The following CCSER1 variants were observed in gnomAD, a reference collection of about 807,000 sequenced individuals.
CCSER1 encodes the protein coiled-coil serine rich protein 1, also known as serine-rich coiled-coil domain-containing protein 1.
CCSER1 carries 41 observed loss-of-function variants against 82.0 expected under a neutral mutation model. The observed-to-expected ratio is 0.50, with a 90% confidence interval of 0.39 to 0.65. CCSER1 has a LOEUF of 0.65. Ranked by LOEUF, CCSER1 falls within the 30% of genes least tolerant of loss-of-function variation. The pLI, the probability that CCSER1 is intolerant of heterozygous loss-of-function variation, is 0.00. For synonymous variants in CCSER1, 414 were observed against 383.9 expected, an observed-to-expected ratio of 1.08 and a Z score of -0.92; for missense variants, 1,119 against 1,064.2, an observed-to-expected ratio of 1.05 and a Z score of -0.72.
At chr4:90,781,254 G>A in intron 7 of CCSER1, 1 of 984,594 alleles carries the variant, frequency 1.0e-6, no homozygotes. Flanking sequence ...GGAATAGAAA[G>A]AGTATGCACC....
chr4:91,140,734 A>G (rs1215028178), intron 10 of CCSER1, among the ~76,000 whole-genome samples: 2 of 152,260 alleles, frequency 1.3e-5, no homozygotes, highest in East Asian at 1.9e-4. Flanking sequence ...CCATTCCCAC[A>G]TGGTATTTGA....
At chr4:91,475,304 A>G (rs764198583) in intron 10 of CCSER1, among the ~76,000 whole-genome samples, 9 of 151,916 alleles carry the variant, frequency 5.9e-5, no homozygotes, top group Non-Finnish European at 1.2e-4. Flanking sequence ...AAATAGATAT[A>G]GGGATAGTAA....
At position 90,907,996 on chromosome 4, in the gene CCSER1, A is replaced by G. The variant is rs560633528; in HGVS notation, c.2095-15374A>G. Among the ~76,000 whole-genome samples the G allele has an allele frequency of 5.9e-5, 9 of 152,224 alleles. No individual in the cohort carries two copies. The South Asian group carries it at 1.9e-3, about 32-fold the overall frequency. On this transcript the variant is annotated intron_variant, in intron 8 of 10. Coordinates refer to ENST00000509176, the MANE Select transcript of CCSER1 (RefSeq NM_001145065.2). ...TATTCTCTCATCCACCCAATTCTTCATTTTTTAAAAACAATAGAGTATCTA... is the reference window on the plus strand; with the variant it reads ...TATTCTCTCATCCACCCAATTCTTCGTTTTTTAAAAACAATAGAGTATCTA...
At chr4:90,165,049 T>A (rs1338254109) in intron 1 of CCSER1, among the ~76,000 whole-genome samples, 1 of 152,128 alleles carries the variant, frequency 6.6e-6, no homozygotes, top group Non-Finnish European at 1.5e-5. Context: ...TCTATCTTTT[T>A]CTGGATTCTA....
chr4:91,263,796 A>G (rs759248280), intron 10 of CCSER1, among the ~76,000 whole-genome samples: 66 of 151,962 alleles, frequency 4.3e-4, no homozygotes, highest in Non-Finnish European at 8.7e-4. Flanking sequence ...TTTTAAATAA[A>G]TGGATGCTGG....
intron 10 of CCSER1, among the ~76,000 whole-genome samples, chr4:91,318,163 C>A (rs538546770): frequency 2.8e-4 from 43 of 151,754 alleles, no homozygotes; most frequent in Non-Finnish European, 6.2e-4. Context: ...AGGGGCACAA[C>A]CTTAGCTGCA....
At chr4:91,167,579 G>A (rs1002403627) in intron 10 of CCSER1, among the ~76,000 whole-genome samples, 2 of 152,150 alleles carry the variant, frequency 1.3e-5, no homozygotes, top group Non-Finnish European at 2.9e-5. Context: ...ATGTAAATCC[G>A]TAAATTGAAT....
intron 10 of CCSER1, among the ~76,000 whole-genome samples, chr4:91,236,058 G>A (rs1311327267): frequency 6.6e-6 from 1 of 152,132 alleles, no homozygotes; most frequent in African/African-American, 2.4e-5. Flanking sequence ...TAGAGGTGTT[G>A]AGAATTGATG....
chr4:90,967,991 A>G (rs1358966240), intron 9 of CCSER1, among the ~76,000 whole-genome samples: 1 of 152,030 alleles, frequency 6.6e-6, no homozygotes, highest in Non-Finnish European at 1.5e-5. Context: ...CTCTTAATCC[A>G]TGATTTCTCT....
At position 90,733,027 on chromosome 4, in the gene CCSER1, C is replaced by T. The variant is rs532667461; in HGVS notation, c.2010+9036C>T. Among the ~76,000 whole-genome samples, 8 of 152,206 alleles carry T rather than the reference C, an allele frequency of 5.3e-5. No homozygotes were observed. The South Asian group carries it at 1.0e-3, about 20-fold the overall frequency. On this transcript the variant is annotated intron_variant, in intron 7 of 10. Transcript: ENST00000509176. ...ATATCTCTTCAATACACTAATTTCC[C>T]TTCTTTTGGGAATATATCTAGCAGT...
At chr4:91,199,173 A>G (rs897036303) in intron 10 of CCSER1, among the ~76,000 whole-genome samples, 1 of 152,134 alleles carries the variant, frequency 6.6e-6, no homozygotes, top group East Asian at 1.9e-4. Flanking sequence ...CACATGTTCC[A>G]CACTTGCAGG....
intron 9 of CCSER1, among the ~76,000 whole-genome samples, chr4:91,016,312 A>T (rs1365468823): frequency 6.6e-6 from 1 of 152,000 alleles, no homozygotes; most frequent in Non-Finnish European, 1.5e-5. Context: ...CCTGAAATTC[A>T]TTCTGAATGT....
At chr4:90,985,103 G>A (rs894255227) in intron 9 of CCSER1, among the ~76,000 whole-genome samples, 4 of 151,586 alleles carry the variant, frequency 2.6e-5, no homozygotes, top group Non-Finnish European at 5.9e-5. Context: ...TTTATTTTAG[G>A]TGTATATCTG....
chr4:90,267,457 G>A (rs968857332), intron 1 of CCSER1, among the ~76,000 whole-genome samples: 2 of 152,078 alleles, frequency 1.3e-5, no homozygotes, highest in African/African-American at 2.4e-5. Context: ...GGCTGGGTTC[G>A]CTACCTGCTG....
intron 6 of CCSER1, among the ~76,000 whole-genome samples, chr4:90,645,012 G>T (rs947032867): frequency 1.3e-5 from 2 of 151,376 alleles, no homozygotes; most frequent in African/African-American, 4.9e-5. Context: ...AACCCAGGAG[G>T]TGGAGGTTGC....
chr4:91,528,419 CAAATA>C (rs1760873335), intron 10 of CCSER1, among the ~76,000 whole-genome samples: 1 of 151,906 alleles, frequency 6.6e-6, no homozygotes, highest in African/African-American at 2.4e-5. Context: ...AACCAACACA[CAAATA>C]AACAGCATGT....
At chr4:91,495,911 C>G (rs976110345) in intron 10 of CCSER1, among the ~76,000 whole-genome samples, 2 of 151,400 alleles carry the variant, frequency 1.3e-5, no homozygotes, top group Non-Finnish European at 3.0e-5. Context: ...TGCATGATAA[C>G]GTTTTGAATA....
chr4:91,482,465 T>G lies in CCSER1; in HGVS notation c.2218-116107T>G, dbSNP rs531165027. Reference sequence around the variant, plus strand: ...AACAACAGGTGCTGGAGAGGATGTGTAGAAATACGAATGCTTTTACACTTT... The same window carrying G: ...AACAACAGGTGCTGGAGAGGATGTGGAGAAATACGAATGCTTTTACACTTT... On this transcript the variant is annotated intron_variant, in intron 10 of 10. Transcript: ENST00000509176. Among the ~76,000 whole-genome samples the G allele has an allele frequency of 8.0e-5, 12 of 149,348 alleles. No individual in the cohort carries two copies. In the East Asian group the frequency reaches 1.8e-3, roughly 22 times the overall value.
At chr4:90,911,651 G>C (rs1016422381) in intron 8 of CCSER1, among the ~76,000 whole-genome samples, 1 of 152,060 alleles carries the variant, frequency 6.6e-6, no homozygotes, top group African/African-American at 2.4e-5. Flanking sequence ...TGGGTGTAGC[G>C]CACCAAGCAT....
Sources: gnomAD v4.1 joint callset for allele counts (sites outside exome capture counted in the v4.1 genomes callset) on GRCh38, gnomAD v4.1.1 for gene constraint, MANE v1.5 for transcripts, NCBI Gene and HGNC (gene_info 2026-07-23, HGNC 2026-07-21) for gene names.